Variants in MED15 observed in about 807,000 individuals in gnomAD.
MED15 encodes the protein mediator of RNA polymerase II transcription subunit 15.
A neutral mutation model predicts 118.7 loss-of-function variants in MED15; 41 were observed. That is an observed-to-expected ratio of 0.35 (90% CI 0.27 to 0.45). The LOEUF (loss-of-function observed/expected upper bound fraction) is 0.45. Ranked by LOEUF, MED15 falls within the 20% of genes least tolerant of loss-of-function variation. MED15 has a pLI of 1.00. For synonymous variants in MED15, 436 were observed against 413.9 expected, an observed-to-expected ratio of 1.05 and a Z score of -0.65; for missense variants, 740 against 1,025.5, an observed-to-expected ratio of 0.72 and a Z score of 3.80.
intron 6 of MED15, 100 bp from the exon 7 acceptor site, chr22:20,566,367 A>T: frequency 6.4e-7 from 1 of 1,557,544 alleles, no homozygotes; most frequent in South Asian, 1.2e-5. Context: ...GGCTCTGCAG[A>T]TGGCCACCTG....
intron 2 of MED15, among the ~76,000 whole-genome samples, chr22:20,542,537 C>A (rs1443009140): frequency 6.6e-6 from 1 of 152,132 alleles, no homozygotes; most frequent in Non-Finnish European, 1.5e-5. Flanking sequence ...TATTAGTTTC[C>A]CATGGCTGCC....
chr22:20,575,678 C>G (rs1354288629), intron 9 of MED15, among the ~76,000 whole-genome samples: 1 of 151,570 alleles, frequency 6.6e-6, no homozygotes, highest in East Asian at 1.9e-4. Flanking sequence ...TTGAGACCAG[C>G]CTGGTTCACA....
rs1482238707 is a variant in MED15, at chr22:20,586,904, G to T, written c.*200G>T. On this transcript the variant is annotated 3_prime_UTR_variant, in exon 18 of 18. Coordinates refer to ENST00000263205, the MANE Select transcript of MED15 (RefSeq NM_001003891.3). ...TAGGCGCAGTGGAGCGGGTTGCTTG[G>T]GGGGCGTTGGCCGACTTCTTAGAGA... The T allele has an allele frequency of 3.7e-6, 3 of 821,744 alleles. No individual in the cohort carries two copies. The highest frequency in any genetic ancestry group is 4.1e-5 in the South Asian group (2 of 48,688). The allele number at this position is 821,744 out of a possible 1,614,324, so 50.9% of individuals were successfully genotyped here.
intron 8 of MED15, among the ~76,000 whole-genome samples, chr22:20,569,477 G>A (rs992884888): frequency 5.9e-5 from 9 of 152,188 alleles, no homozygotes; most frequent in African/African-American, 1.4e-4. Flanking sequence ...CTTTGCTGTC[G>A]TCTTAAGGGT....
chr22:20,543,698 C>A (rs1052793217), intron 2 of MED15, among the ~76,000 whole-genome samples: 1 of 150,010 alleles, frequency 6.7e-6, no homozygotes, highest in African/African-American at 2.5e-5. Flanking sequence ...GCTGGGATTA[C>A]AGGTGCCCAC....
At chr22:20,567,314 C>T (rs751113916) in intron 7 of MED15, among the ~76,000 whole-genome samples, 2 of 152,086 alleles carry the variant, frequency 1.3e-5, no homozygotes, top group Non-Finnish European at 1.5e-5. Context: ...ACTGTTATTC[C>T]TAGTTTCATT....
intron 1 of MED15, among the ~76,000 whole-genome samples, chr22:20,526,897 C>G (rs1237930276): frequency 6.6e-6 from 1 of 152,152 alleles, no homozygotes; most frequent in Non-Finnish European, 1.5e-5. Context: ...TGTGTCTCAT[C>G]CTTTGTGATT....
chr22:20,567,301 A>G (rs971477758), intron 7 of MED15, among the ~76,000 whole-genome samples: 1 of 152,226 alleles, frequency 6.6e-6, no homozygotes, highest in Non-Finnish European at 1.5e-5. Flanking sequence ...ATTAATATAA[A>G]ATACTGTTAT....
Position 20,582,645 on chromosome 22 carries a change from C to T in MED15, c.1307C>T (p.Pro436Leu), listed in dbSNP as rs531964697. ...AGCAGCCTCCCCATGCTGTCCTCGC[C>T]GTCACCGGGCCAGCAGGTGCAGACC... ...SQSSLPMLSS[P>L]SPGQQVQTPQ... Residue 436 changes from proline to leucine, a missense_variant, in exon 10 of 18, where the codon CCG (proline) becomes CTG (leucine). Physicochemically the swap from Pro to Leu is moderately conservative, Grantham distance 98 (BLOSUM62 -3). Transcript: ENST00000263205. 5.7e-6 allele frequency: 9 copies of T among 1,583,586 alleles called. No individual in the cohort carries two copies. The highest frequency in any genetic ancestry group is 1.7e-5 in the Admixed American group (1 of 57,596).
intron 2 of MED15, among the ~76,000 whole-genome samples, chr22:20,549,811 T>G (rs1343391535): frequency 6.6e-6 from 1 of 152,158 alleles, no homozygotes; most frequent in Non-Finnish European, 1.5e-5. Flanking sequence ...GGAGTGGTGC[T>G]GGGCACTGCA....
At chr22:20,536,533 G>C (rs560371915) in intron 1 of MED15, among the ~76,000 whole-genome samples, 1 of 152,186 alleles carries the variant, frequency 6.6e-6, no homozygotes, top group Non-Finnish European at 1.5e-5. Context: ...CATTTATGTG[G>C]TCTTTCTCTT....
chr22:20,570,344 C>G (rs181353544), intron 8 of MED15, among the ~76,000 whole-genome samples: 56 of 151,674 alleles, frequency 3.7e-4, no homozygotes, highest in Non-Finnish European at 5.7e-4. Flanking sequence ...TACCGCAGGT[C>G]AAGCCCAGCA....
At chr22:20,509,543 G>C (rs970340137) in intron 1 of MED15, among the ~76,000 whole-genome samples, 1 of 151,712 alleles carries the variant, frequency 6.6e-6, no homozygotes, top group Non-Finnish European at 1.5e-5. Flanking sequence ...TCCAGAGGAG[G>C]GGGAACGTAG....
rs546734353 is a variant in MED15 at position 20,558,695 on chromosome 22, G to A, written c.451+3547G>A. On this transcript the variant is annotated intron_variant, in intron 5 of 17. Transcript: ENST00000263205. ...CCTCCTGAGCCTCAGCTGCTGCAAGGTGGGGGAAGAAAGCTTGGGATTCCT... is the reference window on the plus strand; with the variant it reads ...CCTCCTGAGCCTCAGCTGCTGCAAGATGGGGGAAGAAAGCTTGGGATTCCT... Among the ~76,000 whole-genome samples, 148 of 152,282 alleles carry A rather than the reference G, an allele frequency of 9.7e-4. 1 individual carries two copies. The highest frequency in any genetic ancestry group is 3.4e-3 in the African/African-American group (143 of 41,542).
chr22:20,513,722 C>G (rs1439129375), intron 1 of MED15, among the ~76,000 whole-genome samples: 1 of 152,198 alleles, frequency 6.6e-6, no homozygotes, highest in Non-Finnish European at 1.5e-5. Flanking sequence ...CTGCCACCAC[C>G]TCCTGTGCCC....
At position 20,586,722 on chromosome 22, in the gene MED15, G is replaced by T; in HGVS notation, c.*18G>T. On this transcript the variant is annotated 3_prime_UTR_variant, in exon 18 of 18. Transcript: ENST00000263205. ...CCGCCTAGCCAAGACTGCAGGGATG[G>T]CCCGCAGCCTCATCGGGGCCAAGGA... is the stretch of plus-strand genomic sequence containing the variant. 1 of 1,611,404 alleles carries T rather than the reference G, an allele frequency of 6.2e-7. No individual in the cohort carries two copies. The highest frequency in any genetic ancestry group is 8.5e-7 in the Non-Finnish European group (1 of 1,179,696).
At chr22:20,547,949 A>G (rs1005217012) in intron 2 of MED15, among the ~76,000 whole-genome samples, 2 of 152,166 alleles carry the variant, frequency 1.3e-5, no homozygotes, top group Non-Finnish European at 2.9e-5. Context: ...GCAGTGAGCG[A>G]TGATCGCGTC....
At chr22:20,585,966 G>T (rs1457297711) in intron 17 of MED15, 140 bp downstream of exon 17, 24 of 756,662 alleles carry the variant, frequency 3.2e-5, no homozygotes, top group Non-Finnish European at 5.2e-5. Context: ...CCCTCTTCTG[G>T]CTCCTCCTGC....
chr22:20,583,857 T>C (rs992546676), intron 13 of MED15: 1 of 234,926 alleles, frequency 4.3e-6, no homozygotes, highest in Admixed American at 5.0e-5. Context: ...GCAGGGCTGC[T>C]GGCCACAGGC....
Sources: allele counts gnomAD v4.1 joint callset (sites outside exome capture counted in the v4.1 genomes callset), GRCh38; gene constraint gnomAD v4.1.1; transcripts MANE v1.5; gene names NCBI Gene and HGNC (gene_info 2026-07-23, HGNC 2026-07-21).